UTY: variants seen among roughly 807,000 people sequenced by gnomAD.
The protein encoded by UTY is ubiquitously transcribed tetratricopeptide repeat containing, Y-linked.
A neutral mutation model predicts 32.5 loss-of-function variants in UTY; 12 were observed. The ratio of observed to expected loss-of-function variants is 0.37; its 90% CI spans 0.24 to 0.60. The LOEUF is 0.60. UTY is among the 20% of genes least tolerant of loss of function. The pLI, the probability that UTY is intolerant of heterozygous loss-of-function variation, is 0.69. For missense variants in UTY, 303 were observed against 299.2 expected, an observed-to-expected ratio of 1.01 and a Z score of -0.09; for synonymous variants, 131 against 103.4, an observed-to-expected ratio of 1.27 and a Z score of -1.62.
At chrY:13,416,819 T>G in intron 4 of UTY, among the ~76,000 whole-genome samples, 1 of 33,996 alleles carries the variant, frequency 2.9e-5, no homozygotes, top group Non-Finnish European at 7.3e-5. Flanking sequence ...GCAAAAAGAT[T>G]ATTTCTGAGT....
At chrY:13,354,538 G>A in intron 17 of UTY, among the ~76,000 whole-genome samples, 1 of 33,037 alleles carries the variant, frequency 3.0e-5, no homozygotes, top group South Asian at 6.8e-4. Flanking sequence ...CACTTCATCA[G>A]CAAACACCAT....
Position 13,355,269 on chromosome Y carries a change from C to T in UTY, c.1795G>A (p.Val599Ile). ...GCAGGGCGAACTCCAGGCTGAGAGACGCTAGATACTCTGGTCAGAGCACCA... is the reference window on the plus strand; with the variant it reads ...GCAGGGCGAACTCCAGGCTGAGAGATGCTAGATACTCTGGTCAGAGCACCA... ...PHGALTRVSS[V>I]SQPGVRPACV... The change falls in exon 17 of 30, where the codon GTC becomes ATC. Residue 599 changes from valine (V) to isoleucine (I), a missense_variant. Coordinates refer to ENST00000545955, the MANE Select transcript of UTY (RefSeq NM_001258249.2). The T allele has an allele frequency of 1.3e-5, 5 of 395,619 alleles. No individual in the cohort carries two copies. Among genetic ancestry groups the T allele is most frequent in the South Asian group, 3.0e-5 (1 of 33,419 alleles).
At chrY:13,414,854 A>G in intron 4 of UTY, 61 bp from the exon 5 acceptor site, 1 of 223,733 alleles carries the variant, frequency 4.5e-6, no homozygotes, top group South Asian at 6.1e-5. Flanking sequence ...ACTATTACAT[A>G]TATTAATAAG....
At chrY:13,296,880 G>C in intron 27 of UTY, among the ~76,000 whole-genome samples, 1 of 33,302 alleles carries the variant, frequency 3.0e-5, no homozygotes, top group Non-Finnish European at 7.4e-5. Flanking sequence ...TTGTCTTCTG[G>C]ACTTGTGAGC....
At chrY:13,447,172 G>A in intron 4 of UTY, among the ~76,000 whole-genome samples, 3 of 31,934 alleles carry the variant, frequency 9.4e-5, no homozygotes, top group Non-Finnish European at 1.5e-4. Context: ...CCCTCCCTGT[G>A]TCCATTTGTT....
chrY:13,416,131 CATGGCATGA>C (rs2071655872), intron 4 of UTY, among the ~76,000 whole-genome samples: 1 of 33,996 alleles, frequency 2.9e-5, no homozygotes, highest in African/African-American at 1.2e-4. Flanking sequence ...AGCCACCATG[CATGGCATGA>C]ATGGCTTGTT....
At chrY:13,466,638 C>A (rs2077934405) in intron 3 of UTY, among the ~76,000 whole-genome samples, 1 of 33,222 alleles carries the variant, frequency 3.0e-5, no homozygotes, top group Non-Finnish European at 7.4e-5. Context: ...ATTAGTCATT[C>A]TTGGAGTAAT....
At chrY:13,462,132 T>A (rs2077423271) in intron 3 of UTY, among the ~76,000 whole-genome samples, 1 of 33,066 alleles carries the variant, frequency 3.0e-5, no homozygotes, top group Non-Finnish European at 7.5e-5. Flanking sequence ...CTATTAGGAG[T>A]TTTATCAAAA....
chrY:13,437,048 T>G (rs2149916040), intron 4 of UTY, among the ~76,000 whole-genome samples: 1 of 31,938 alleles, frequency 3.1e-5, no homozygotes, highest in South Asian at 7.4e-4. Flanking sequence ...CTTCTCCATA[T>G]GCCCTTCTCT....
intron 4 of UTY, among the ~76,000 whole-genome samples, chrY:13,433,032 C>A: frequency 3.0e-5 from 1 of 33,618 alleles, no homozygotes; most frequent in East Asian, 7.8e-4. Flanking sequence ...AACCTAAAGA[C>A]ACAGGAAACA....
chrY:13,322,548 T>C, intron 21 of UTY, among the ~76,000 whole-genome samples: 1 of 33,764 alleles, frequency 3.0e-5, no homozygotes, highest in Non-Finnish European at 7.3e-5. Flanking sequence ...CCTCCCAAAT[T>C]GGTGGTTTTA....
chrY:13,283,850 C>T (rs2057185269), intron 27 of UTY, among the ~76,000 whole-genome samples: 1 of 33,573 alleles, frequency 3.0e-5, no homozygotes, highest in Admixed American at 2.7e-4. Context: ...TAATTAAAAT[C>T]TCAAACTTAC....
At chrY:13,326,742 C>G (rs1026246863) in intron 18 of UTY, among the ~76,000 whole-genome samples, 29 of 33,978 alleles carry the variant, frequency 8.5e-4, no homozygotes, top group Non-Finnish European at 3.7e-4. Flanking sequence ...ATTTACGTAT[C>G]CTTAATATCA....
intron 10 of UTY, among the ~76,000 whole-genome samples, chrY:13,365,276 G>C: frequency 3.2e-5 from 1 of 31,516 alleles, no homozygotes; most frequent in Non-Finnish European, 7.6e-5. Context: ...TCCGAGCGTG[G>C]TGGCACACCC....
Position 13,335,612 on chromosome Y carries a change from T to C in UTY, c.2785A>G (p.Met929Val). The change falls in exon 18 of 30, where the codon ATG becomes GTG. Residue 929 changes from methionine (M) to valine (V), a missense_variant. Physicochemically the swap from Met to Val is conservative, Grantham distance 21. Transcript: ENST00000545955. ...HRSTSQILPSMSVSICPSSTE... is the reference protein window; with the variant it reads ...HRSTSQILPSVSVSICPSSTE... ...GAACTGGGGCATATAGACACTGACA[T>C]TGATGGTAAGATCTGAGAAGTAGAT... The C allele has an allele frequency of 7.5e-6, 3 of 398,790 alleles. No individual in the cohort carries two copies. Among genetic ancestry groups the C allele is most frequent in the South Asian group, 5.9e-5 (2 of 33,775 alleles).
intron 4 of UTY, among the ~76,000 whole-genome samples, chrY:13,445,635 A>G: frequency 3.1e-5 from 1 of 32,014 alleles, no homozygotes; most frequent in Non-Finnish European, 7.6e-5. Flanking sequence ...GTATATTATC[A>G]TCTGCAAACA....
At chrY:13,377,747 C>G (rs2065547330) in intron 8 of UTY, among the ~76,000 whole-genome samples, 1 of 33,236 alleles carries the variant, frequency 3.0e-5, no homozygotes, top group Non-Finnish European at 7.4e-5. Flanking sequence ...GAACAAAGCT[C>G]CATGGGATAA....
Position 13,479,802 on chromosome Y carries a change from CA to C in UTY, c.-138del, listed in dbSNP as rs2079561635. On this transcript the variant is annotated 5_prime_UTR_variant, in exon 1 of 30. Coordinates refer to ENST00000545955, the MANE Select transcript of UTY (RefSeq NM_001258249.2). ...GCGGCTGCAAGGAAAAAAGCTGAGG[CA>C]AAGACTTAAGCTACCGAAGCACGGG... The C allele has an allele frequency of 4.0e-6, 1 of 250,748 alleles. No individual in the cohort carries two copies. The highest frequency in any genetic ancestry group is 7.8e-5 in the African/African-American group (1 of 12,801). 62.5% of individuals were successfully genotyped at this position (250,748 alleles called of 400,897 possible). A position where few individuals can be genotyped will look rare whatever the true frequency, so the allele number is the denominator to read the frequency against.
At position 13,260,407 on chromosome Y, in the gene UTY, A is replaced by AT; in HGVS notation, c.4011-4dup. ...TCAGAATTTTCAAAAGACAATACCT[A>AT]TTGTGGGAAAAAACTATTTGTGAGA... On this transcript the variant is annotated splice_region_variant and splice_polypyrimidine_tract_variant and intron_variant, in intron 27 of 29. Transcript: ENST00000545955. 1 of 386,922 alleles carries AT rather than the reference A, an allele frequency of 2.6e-6. No homozygotes were observed. Among genetic ancestry groups the AT allele is most frequent in the South Asian group, 3.1e-5 (1 of 32,469 alleles).
Sources: gnomAD v4.1 joint callset for allele counts (sites outside exome capture counted in the v4.1 genomes callset) on GRCh38, gnomAD v4.1.1 for gene constraint, MANE v1.5 for transcripts, NCBI Gene and HGNC (gene_info 2026-07-23, HGNC 2026-07-21) for gene names.